Variants in RCOR1 observed in about 807,000 individuals in gnomAD.
The protein encoded by RCOR1 is REST corepressor.
In RCOR1, 12 loss-of-function variants were observed where a neutral mutation model predicts 64.0. The observed-to-expected ratio is 0.19, with a 90% CI of 0.12 to 0.30. The LOEUF is 0.30. Ranked by LOEUF, RCOR1 falls within the 10% of genes least tolerant of loss-of-function variation. RCOR1 has a pLI of 1.00. For synonymous variants in RCOR1, 279 were observed against 227.2 expected (o/e 1.23, Z -2.05); for missense variants, 502 against 621.2 (o/e 0.81, Z 2.04).
intron 2 of RCOR1, among the ~76,000 whole-genome samples, chr14:102,622,572 G>C (rs1567411327): frequency 6.6e-6 from 1 of 151,930 alleles, no homozygotes; most frequent in Non-Finnish European, 1.5e-5. Context: ...TTTTCCCTGA[G>C]CCCTTTTAAA....
At chr14:102,704,495 G>A (rs1035621124) in intron 4 of RCOR1, among the ~76,000 whole-genome samples, 5 of 152,142 alleles carry the variant, frequency 3.3e-5, no homozygotes, top group Admixed American at 6.5e-5. Flanking sequence ...GCAATGGTGC[G>A]ATCTCAGCTC....
chr14:102,595,219 T>G (rs943980949), intron 2 of RCOR1, among the ~76,000 whole-genome samples: 3 of 152,202 alleles, frequency 2.0e-5, no homozygotes, highest in Non-Finnish European at 4.4e-5. Context: ...GGAAAACATT[T>G]ATCAGATTGC....
chr14:102,691,090 C>T (rs574607778), intron 3 of RCOR1, among the ~76,000 whole-genome samples: 1 of 152,334 alleles, frequency 6.6e-6, no homozygotes, highest in Admixed American at 6.5e-5. Context: ...GTACCAAGCG[C>T]TAGCAGGCAC....
At chr14:102,607,230 G>T (rs1298385108) in intron 2 of RCOR1, among the ~76,000 whole-genome samples, 3 of 152,164 alleles carry the variant, frequency 2.0e-5, no homozygotes, top group Non-Finnish European at 4.4e-5. Flanking sequence ...ACCGCGCCCG[G>T]CTGAGTAGGC....
At chr14:102,665,473 G>A (rs568184843) in intron 2 of RCOR1, among the ~76,000 whole-genome samples, 1 of 152,212 alleles carries the variant, frequency 6.6e-6, no homozygotes, top group Admixed American at 6.5e-5. Context: ...TTTTCAATTT[G>A]TGATACATTT....
At chr14:102,634,696 GTATA>G (rs773628636) in intron 2 of RCOR1, among the ~76,000 whole-genome samples, 1 of 149,472 alleles carries the variant, frequency 6.7e-6, no homozygotes, top group Non-Finnish European at 1.5e-5. Flanking sequence ...ATATATGTGT[GTATA>G]TATATATATT....
rs191390807 is a variant in RCOR1 at position 102,675,962 on chromosome 14, G to A, written c.362-5933G>A. ...TTCACTATTTTTGTTGCTGTGTACT[G>A]TTCCAGTATATGGATGTACTACAGT... On this transcript the variant is annotated intron_variant, in intron 2 of 11. Coordinates refer to ENST00000262241, the MANE Select transcript of RCOR1 (RefSeq NM_015156.4). 2.0e-5 allele frequency among the ~76,000 whole-genome samples: 3 copies of A among 151,640 alleles called. No homozygotes were observed. In the East Asian group the frequency reaches 5.8e-4, roughly 29 times the overall value.
At chr14:102,683,082 T>G (rs1020474284) in intron 3 of RCOR1, among the ~76,000 whole-genome samples, 1 of 152,358 alleles carries the variant, frequency 6.6e-6, no homozygotes, top group East Asian at 1.9e-4. Flanking sequence ...TTATTTTTCA[T>G]AGACCTAGAA....
At chr14:102,660,398 T>G (rs1309196630) in intron 2 of RCOR1, among the ~76,000 whole-genome samples, 1 of 152,148 alleles carries the variant, frequency 6.6e-6, no homozygotes, top group Non-Finnish European at 1.5e-5. Context: ...TTTCCCCCCT[T>G]TTTTGAGATG....
intron 2 of RCOR1, among the ~76,000 whole-genome samples, chr14:102,625,361 G>C (rs942001583): frequency 1.4e-5 from 2 of 145,066 alleles, no homozygotes; most frequent in African/African-American, 5.1e-5. Context: ...TCAGCCTCCC[G>C]AGTAGCTGGG....
chr14:102,707,568 G>T, intron 5 of RCOR1, 56 bp downstream of exon 5: 4 of 1,392,516 alleles, frequency 2.9e-6, no homozygotes, highest in Non-Finnish European at 3.9e-6. Flanking sequence ...ACTCTCTTTT[G>T]CAGCATACTT....
chr14:102,623,659 C>T (rs538474664), intron 2 of RCOR1, among the ~76,000 whole-genome samples: 17 of 151,766 alleles, frequency 1.1e-4, no homozygotes, highest in African/African-American at 3.6e-4. Context: ...CCACCCACCT[C>T]GGCCTCCCAA....
chr14:102,687,412 A>G (rs565586569), intron 3 of RCOR1, among the ~76,000 whole-genome samples: 6 of 152,336 alleles, frequency 3.9e-5, no homozygotes, highest in South Asian at 2.1e-4. Flanking sequence ...AATAAACTGT[A>G]ATTCAACGCT....
rs1417861425 is a variant in RCOR1, at chr14:102,727,769, G to C, written c.*1263G>C. ...CTGTAATGCCTTTTGGTTGGACTGG[G>C]AACAAGTAAAAATTTCTAATAAACA... On this transcript the variant is annotated 3_prime_UTR_variant, in exon 12 of 12. Transcript: ENST00000262241. The C allele has an allele frequency of 6.6e-6, 1 of 152,098 alleles. No individual in the cohort carries two copies. Among genetic ancestry groups the C allele is most frequent in the East Asian group, 1.9e-4 (1 of 5,182 alleles). 9.4% of individuals were successfully genotyped at this position (152,098 alleles called of 1,614,324 possible). A position where few individuals can be genotyped will look rare whatever the true frequency, so the allele number is the denominator to read the frequency against.
In RCOR1 at chr14:102,650,386, ATGGGTGGG is replaced by A. The variant is rs571574186; in HGVS notation, c.362-31493_362-31486del. Among the ~76,000 whole-genome samples, 47 of 23,426 alleles carry A rather than the reference ATGGGTGGG, an allele frequency of 2.0e-3. 2 individuals are homozygous for A. The highest frequency in any genetic ancestry group is 0.014 in the Admixed American group (21 of 1,460). The allele number at this position is 23,426 out of a possible 152,430, so 15.4% of individuals were successfully genotyped here. On this transcript the variant is annotated intron_variant, in intron 2 of 11. Transcript: ENST00000262241. ...AGATCCTGCTTCAATAAATGGATGG[ATGGGTGGG>A]TGGGTGGGTGGGTGGATGGAGGAAT...
At chr14:102,725,971 T>C (rs1896250535) in intron 11 of RCOR1, among the ~76,000 whole-genome samples, 1 of 152,206 alleles carries the variant, frequency 6.6e-6, no homozygotes, top group Admixed American at 6.5e-5. Flanking sequence ...ATAACTTCTT[T>C]GCACATATTG....
At chr14:102,690,741 T>C (rs954281765) in intron 3 of RCOR1, among the ~76,000 whole-genome samples, 1 of 152,236 alleles carries the variant, frequency 6.6e-6, no homozygotes, top group Non-Finnish European at 1.5e-5. Context: ...TTAACTCACT[T>C]TCTTTCATTC....
In RCOR1 at chr14:102,593,104, T is replaced by C; in HGVS notation, c.218T>C (p.Leu73Ser). ...CCCAATAATGGCCAGAATAAAAGTTTGGCGGCGGCGGCGCCCAATGGCAAC... is the reference window on the plus strand; with the variant it reads ...CCCAATAATGGCCAGAATAAAAGTTCGGCGGCGGCGGCGCCCAATGGCAAC... ...AAPNNGQNKSLAAAAPNGNSS... is the reference protein window; with the variant it reads ...AAPNNGQNKSSAAAAPNGNSS... The change falls in exon 1 of 12, where the codon TTG (leucine) becomes TCG (serine). Residue 73 changes from leucine to serine, a missense_variant. This residue lies in a region of RCOR1 where 242 missense variants were observed against 204.9 expected (regional missense o/e 1.18). Transcript: ENST00000262241. 1 of 1,500,844 alleles carries C rather than the reference T, an allele frequency of 6.7e-7. No homozygotes were observed. Among genetic ancestry groups the C allele is most frequent in the Non-Finnish European group, 8.9e-7 (1 of 1,128,548 alleles). The allele number at this position is 1,500,844 out of a possible 1,614,324, so 93.0% of individuals were successfully genotyped here.
chr14:102,688,082 T>A (rs1895458505), intron 3 of RCOR1, among the ~76,000 whole-genome samples: 1 of 152,044 alleles, frequency 6.6e-6, no homozygotes. Flanking sequence ...TTCTCCTGCT[T>A]CAGCCCTGCG....
Sources: allele counts gnomAD v4.1 joint callset (sites outside exome capture counted in the v4.1 genomes callset), GRCh38; gene constraint gnomAD v4.1.1; regional missense constraint gnomAD v4.1.1; transcripts MANE v1.5; gene names NCBI Gene and HGNC (gene_info 2026-07-23, HGNC 2026-07-21).